Variants in FHIT observed in about 807,000 individuals in gnomAD.
FHIT encodes the protein fragile histidine triad diadenosine triphosphatase, also known as bis(5'-adenosyl)-triphosphatase.
A neutral mutation model predicts 17.9 loss-of-function variants in FHIT; 19 were observed. The ratio of observed to expected loss-of-function variants is 1.06; its 90% CI spans 0.74 to 1.56. The LOEUF is 1.56. Among genes scored for constraint, FHIT ranks in the 40% most tolerant of loss-of-function variants. The pLI, the probability that FHIT is intolerant of heterozygous loss-of-function variation, is 0.00. For synonymous variants in FHIT, 81 were observed against 69.7 expected (o/e 1.16, Z -0.81); for missense variants, 248 against 189.2 (o/e 1.31, Z -1.82).
chr3:60,179,012 T>G (rs1701805288), intron 5 of FHIT, among the ~76,000 whole-genome samples: 1 of 152,120 alleles, frequency 6.6e-6, no homozygotes, highest in Admixed American at 6.5e-5. Context: ...GGCCCCTTAA[T>G]TACACTATAA....
At chr3:60,052,796 T>A (rs1391119922) in intron 5 of FHIT, among the ~76,000 whole-genome samples, 1 of 148,330 alleles carries the variant, frequency 6.7e-6, no homozygotes, top group African/African-American at 2.4e-5. Context: ...ATAAATAGTA[T>A]ATAAAATATA....
chr3:60,470,765 T>C (rs2033048253), intron 5 of FHIT, among the ~76,000 whole-genome samples: 1 of 152,050 alleles, frequency 6.6e-6, no homozygotes, highest in Non-Finnish European at 1.5e-5. Context: ...CCCTCTCTTT[T>C]CCTCAAGCAG....
At chr3:60,846,477 A>G (rs1575592617) in intron 3 of FHIT, among the ~76,000 whole-genome samples, 1 of 152,368 alleles carries the variant, frequency 6.6e-6, no homozygotes, top group Non-Finnish European at 1.5e-5. Context: ...TAAATGTTGC[A>G]TATAGTCAAA....
chr3:60,740,579 T>G (rs1208114880), intron 4 of FHIT, among the ~76,000 whole-genome samples: 2 of 152,360 alleles, frequency 1.3e-5, no homozygotes, highest in South Asian at 2.1e-4. Flanking sequence ...TTCAATCATC[T>G]TTAAGTCTAC....
chr3:60,162,895 G>C (rs1384680810), intron 5 of FHIT, among the ~76,000 whole-genome samples: 1 of 152,096 alleles, frequency 6.6e-6, no homozygotes, highest in East Asian at 1.9e-4. Flanking sequence ...CACAAGACCT[G>C]ATAGAATCTT....
At chr3:60,120,172 A>G (rs1210822775) in intron 5 of FHIT, among the ~76,000 whole-genome samples, 1 of 152,182 alleles carries the variant, frequency 6.6e-6, no homozygotes, top group Non-Finnish European at 1.5e-5. Context: ...TATACAGCAC[A>G]ATGAGCATGT....
At chr3:60,553,502 AATATATATAT>A (rs769240914) in intron 4 of FHIT, 47 of 91,656 alleles carry the variant, frequency 5.1e-4, no homozygotes, top group South Asian at 8.1e-4. Flanking sequence ...TATTTAAAAA[AATATATATAT>A]ATATATATAG....
At chr3:60,453,363 T>A (rs2031873172) in intron 5 of FHIT, among the ~76,000 whole-genome samples, 1 of 152,158 alleles carries the variant, frequency 6.6e-6, no homozygotes, top group Non-Finnish European at 1.5e-5. Flanking sequence ...TTTTAAGCTC[T>A]TAAAGGCGAG....
At chr3:60,533,705 A>G (rs2035871702) in intron 5 of FHIT, among the ~76,000 whole-genome samples, 1 of 152,202 alleles carries the variant, frequency 6.6e-6, no homozygotes, top group Non-Finnish European at 1.5e-5. Flanking sequence ...AGGAGAAAGT[A>G]TAGTAAAGGG....
chr3:60,118,998 G>A (rs1271838439), intron 5 of FHIT, among the ~76,000 whole-genome samples: 1 of 151,112 alleles, frequency 6.6e-6, no homozygotes. Flanking sequence ...TCCAGCCTGG[G>A]CAACAGAGGA....
At chr3:59,843,612 T>C (rs1701609496) in intron 8 of FHIT, among the ~76,000 whole-genome samples, 1 of 152,220 alleles carries the variant, frequency 6.6e-6, no homozygotes, top group Non-Finnish European at 1.5e-5. Flanking sequence ...ACTGTACAAG[T>C]TTTTCACTTC....
At chr3:60,286,746 G>C (rs998387395) in intron 5 of FHIT, among the ~76,000 whole-genome samples, 1 of 152,138 alleles carries the variant, frequency 6.6e-6, no homozygotes, top group East Asian at 1.9e-4. Flanking sequence ...GAACACTGTG[G>C]AGCTATATCA....
chr3:60,908,150 T>C (rs1553764984), intron 3 of FHIT, among the ~76,000 whole-genome samples: 2 of 152,222 alleles, frequency 1.3e-5, no homozygotes, highest in African/African-American at 4.8e-5. Flanking sequence ...TGGTTCCAAT[T>C]AGTTCTTTTT....
chr3:60,386,987 C>A (rs976542335), intron 5 of FHIT, among the ~76,000 whole-genome samples: 6 of 150,352 alleles, frequency 4.0e-5, no homozygotes, highest in Non-Finnish European at 7.4e-5. Context: ...TAATATTTCT[C>A]TTTCTCTGCC....
intron 5 of FHIT, among the ~76,000 whole-genome samples, chr3:60,423,143 C>G (rs1702537826): frequency 6.6e-6 from 1 of 152,052 alleles, no homozygotes; most frequent in South Asian, 2.1e-4. Context: ...GGACCAGCCT[C>G]AAGTGAATTA....
At chr3:60,465,417 G>A (rs2032730156) in intron 5 of FHIT, among the ~76,000 whole-genome samples, 2 of 151,966 alleles carry the variant, frequency 1.3e-5, no homozygotes, top group African/African-American at 2.4e-5. Flanking sequence ...GTCCATTTTT[G>A]CTTTGGTTAA....
At chr3:60,939,011 A>G (rs1240409152) in intron 3 of FHIT, among the ~76,000 whole-genome samples, 1 of 152,210 alleles carries the variant, frequency 6.6e-6, no homozygotes. Context: ...GTCTGTTTCT[A>G]TGTATACATC....
At chr3:61,146,224 A>C (rs1257884065) in intron 2 of FHIT, among the ~76,000 whole-genome samples, 1 of 152,050 alleles carries the variant, frequency 6.6e-6, no homozygotes, top group Non-Finnish European at 1.5e-5. Context: ...TCTGCCTAGC[A>C]TTACCTTGCT....
At chr3:60,131,438 T>G (rs1351600556) in intron 5 of FHIT, among the ~76,000 whole-genome samples, 1 of 152,124 alleles carries the variant, frequency 6.6e-6, no homozygotes, top group Non-Finnish European at 1.5e-5. Context: ...CCAATACTCA[T>G]ATTCGCACAG....
Sources: allele counts gnomAD v4.1 joint callset (sites outside exome capture counted in the v4.1 genomes callset), GRCh38; gene constraint gnomAD v4.1.1; transcripts MANE v1.5; gene names NCBI Gene and HGNC (gene_info 2026-07-23, HGNC 2026-07-21).